The following CDH1 variants were observed in gnomAD, a reference collection of about 807,000 sequenced individuals.
The protein encoded by CDH1 is cadherin-1.
CDH1 carries 35 observed loss-of-function variants against 84.5 expected under a neutral mutation model. The observed-to-expected ratio is 0.41, with a 90% CI of 0.32 to 0.55. CDH1 has a LOEUF of 0.55. CDH1 is among the 20% of genes least tolerant of loss of function. The pLI is 0.19. For missense variants in CDH1, 994 were observed against 1,126.6 expected (o/e 0.88, Z 1.68); for synonymous variants, 417 against 439.0 (o/e 0.95, Z 0.63).
chr16:68,803,320 C>T (rs1015162462), intron 3 of CDH1, among the ~76,000 whole-genome samples: 1 of 152,126 alleles, frequency 6.6e-6, no homozygotes, highest in Admixed American at 6.6e-5. Flanking sequence ...CCAAGGGTCC[C>T]CATCATTCAT....
In CDH1 at chr16:68,802,523, C is replaced by G. The variant is rs932946315; in HGVS notation, c.387+630C>G. On this transcript the variant is annotated intron_variant, in intron 3 of 15. Transcript: ENST00000261769. ...ACGTAGTCTCACTCTGTGGCTCAGG[C>G]TGGAGTGCAGTGGCGTGACTCACAG... 2.1e-4 allele frequency among the ~76,000 whole-genome samples: 32 copies of G among 151,922 alleles called. 1 individual carries two copies. Among genetic ancestry groups the G allele is most frequent in the Non-Finnish European group, 1.0e-4 (7 of 68,010 alleles).
chr16:68,800,507 C>T (rs547038061), intron 2 of CDH1, among the ~76,000 whole-genome samples: 79 of 152,340 alleles, frequency 5.2e-4, no homozygotes, highest in African/African-American at 1.8e-3. Context: ...GCTTCAAGGG[C>T]TTTCTGGCAG....
At position 68,819,468 on chromosome 16, in the gene CDH1, G is replaced by C. The variant is rs1961083146; in HGVS notation, c.1711+43G>C. On this transcript the variant is annotated intron_variant, in intron 11 of 15. Transcript: ENST00000261769. ...GAGCCTTTGCTGCCTCGACCTCCTAGCTAGTTCAGTTCCTTGCCCCTCCCT... is the reference window on the plus strand; with the variant it reads ...GAGCCTTTGCTGCCTCGACCTCCTACCTAGTTCAGTTCCTTGCCCCTCCCT... 7 of 1,602,588 alleles carry C rather than the reference G, an allele frequency of 4.4e-6. No individual in the cohort carries two copies. The East Asian group carries it at 1.6e-4, about 36-fold the overall frequency.
chr16:68,756,869 G>A (rs941271603), intron 2 of CDH1, among the ~76,000 whole-genome samples: 1 of 152,122 alleles, frequency 6.6e-6, no homozygotes, highest in African/African-American at 2.4e-5. Flanking sequence ...AGGCATGGTG[G>A]CGTGTGCCTG....
intron 13 of CDH1, among the ~76,000 whole-genome samples, chr16:68,824,164 A>G (rs542480971): frequency 7.3e-5 from 11 of 151,676 alleles, no homozygotes; most frequent in African/African-American, 2.7e-4. Context: ...CGCCCAGCTA[A>G]TTTTGTATTT....
At chr16:68,746,650 G>A (rs1381917327) in intron 2 of CDH1, among the ~76,000 whole-genome samples, 2 of 151,998 alleles carry the variant, frequency 1.3e-5, no homozygotes, top group African/African-American at 2.4e-5. Context: ...ATGGATGCAA[G>A]GAGGGGTGGA....
chr16:68,798,446 AG>A (rs1160100492), intron 2 of CDH1, among the ~76,000 whole-genome samples: 1 of 152,066 alleles, frequency 6.6e-6, no homozygotes, highest in African/African-American at 2.4e-5. Context: ...TAATCAGCCC[AG>A]GGGATCAGGT....
At chr16:68,752,915 C>T (rs1331755436) in intron 2 of CDH1, among the ~76,000 whole-genome samples, 1 of 152,110 alleles carries the variant, frequency 6.6e-6, no homozygotes, top group East Asian at 1.9e-4. Flanking sequence ...TCAGATACAC[C>T]CAACACCTGC....
At chr16:68,741,648 CAA>C (rs1409627836) in intron 2 of CDH1, among the ~76,000 whole-genome samples, 2 of 90,966 alleles carry the variant, frequency 2.2e-5, no homozygotes, top group Non-Finnish European at 2.3e-5. Context: ...AAGACCTTTA[CAA>C]AAAAAAAAAA....
At chr16:68,771,394 C>G (rs1175556389) in intron 2 of CDH1, among the ~76,000 whole-genome samples, 1 of 152,170 alleles carries the variant, frequency 6.6e-6, no homozygotes, top group Admixed American at 6.5e-5. Context: ...TCAAGCAATC[C>G]TCCCATCTGA....
Position 68,834,689 on chromosome 16 carries a change from C to T in CDH1, c.*1190C>T, listed in dbSNP as rs1961591908. The stretch of plus-strand genomic sequence containing the variant: ...AAGACCTTTAATGGCTTCCCTCTTT[C>T]ATCTCCTGAGTATGTAACTTGCAAT... On this transcript the variant is annotated 3_prime_UTR_variant, in exon 16 of 16. Coordinates refer to ENST00000261769, the MANE Select transcript of CDH1 (RefSeq NM_004360.5). The T allele has an allele frequency of 4.3e-6, 1 of 235,196 alleles. No homozygotes were observed. The highest frequency in any genetic ancestry group is 2.2e-5 in the African/African-American group (1 of 45,252). The allele number at this position is 235,196 out of a possible 1,614,324, so 14.6% of individuals were successfully genotyped here.
intron 2 of CDH1, among the ~76,000 whole-genome samples, chr16:68,760,086 A>ATTT (rs56019300): frequency 3.3e-5 from 4 of 122,122 alleles, no homozygotes; most frequent in Non-Finnish European, 7.0e-5. Flanking sequence ...ATATATATAT[A>ATTT]TTTTTTTTTT....
intron 2 of CDH1, among the ~76,000 whole-genome samples, chr16:68,778,549 T>G (rs998076140): frequency 2.0e-5 from 3 of 152,122 alleles, no homozygotes; most frequent in Admixed American, 6.6e-5. Flanking sequence ...AGCCTTGGTT[T>G]GCAGCCTTCC....
intron 11 of CDH1, among the ~76,000 whole-genome samples, chr16:68,821,585 A>C (rs1043817320): frequency 6.6e-6 from 1 of 152,206 alleles, no homozygotes; most frequent in Non-Finnish European, 1.5e-5. Flanking sequence ...TCAGGCTTAA[A>C]ATTAAAATAA....
At chr16:68,815,800 TATTTTATATC>T in intron 10 of CDH1, 41 bp downstream of exon 10, 1 of 1,608,296 alleles carries the variant, frequency 6.2e-7, no homozygotes, top group Non-Finnish European at 8.5e-7. Flanking sequence ...AGCAACTGGT[TATTTTATATC>T]ATTTTATATG....
chr16:68,772,545 C>T (rs985772027), intron 2 of CDH1, among the ~76,000 whole-genome samples: 1 of 152,120 alleles, frequency 6.6e-6, no homozygotes, highest in Non-Finnish European at 1.5e-5. Flanking sequence ...CTGGGCTAAC[C>T]CGCACCGTAT....
intron 2 of CDH1, among the ~76,000 whole-genome samples, chr16:68,797,578 G>A (rs536076804): frequency 1.6e-4 from 25 of 152,324 alleles, no homozygotes; most frequent in Non-Finnish European, 3.4e-4. Flanking sequence ...TACTCAGGAG[G>A]CTGAAGCAGG....
At chr16:68,811,947 T>C (rs1267515469) in intron 7 of CDH1, 88 bp downstream of exon 7, 15 of 1,507,890 alleles carry the variant, frequency 9.9e-6, no homozygotes, top group East Asian at 6.8e-5. Context: ...GCTAGGCCAG[T>C]TGTCAGTTAA....
chr16:68,744,230 C>T (rs1962666312), intron 2 of CDH1, among the ~76,000 whole-genome samples: 1 of 152,162 alleles, frequency 6.6e-6, no homozygotes, highest in Non-Finnish European at 1.5e-5. Flanking sequence ...TGGGTTAGAA[C>T]CTTCCATTAT....
Sources: allele counts gnomAD v4.1 joint callset (sites outside exome capture counted in the v4.1 genomes callset), GRCh38; gene constraint gnomAD v4.1.1; transcripts MANE v1.5; gene names NCBI Gene and HGNC (gene_info 2026-07-23, HGNC 2026-07-21).